The following CCDC178 variants were observed in gnomAD, a reference collection of about 807,000 sequenced individuals.
CCDC178 encodes coiled-coil domain containing 178.
In CCDC178, 126 loss-of-function variants were observed where a neutral mutation model predicts 117.4. The observed-to-expected ratio is 1.07, with a 90% CI of 0.93 to 1.24. The LOEUF is 1.24. Ranked by LOEUF, CCDC178 falls within the 50% of genes most tolerant of loss-of-function variation. The probability of loss-of-function intolerance (pLI) is 0.00; values close to 1 mark genes in which losing one functional copy is unlikely to be tolerated. For synonymous variants in CCDC178, 283 were observed against 313.4 expected, an observed-to-expected ratio of 0.90 and a Z score of 1.02; for missense variants, 1,030 against 986.9, an observed-to-expected ratio of 1.04 and a Z score of -0.59.
intron 20 of CCDC178, among the ~76,000 whole-genome samples, chr18:33,108,838 A>T (rs1217329045): frequency 6.6e-6 from 1 of 151,740 alleles, no homozygotes; most frequent in African/African-American, 2.4e-5. Context: ...ACTAGTAAGA[A>T]TTCAAGCTAT....
chr18:33,317,084 G>C (rs2062429772), intron 11 of CCDC178, among the ~76,000 whole-genome samples: 1 of 152,130 alleles, frequency 6.6e-6, no homozygotes, highest in Non-Finnish European at 1.5e-5. Flanking sequence ...GGCTGCCCAA[G>C]CCAGCAGTGG....
chr18:33,111,569 C>T (rs1169085689), intron 20 of CCDC178, among the ~76,000 whole-genome samples: 1 of 151,622 alleles, frequency 6.6e-6, no homozygotes, highest in African/African-American at 2.4e-5. Flanking sequence ...CATTCCCCTA[C>T]CCAACATTGC....
intron 12 of CCDC178, among the ~76,000 whole-genome samples, chr18:33,278,158 AT>A (rs2059973475): frequency 6.6e-6 from 1 of 151,562 alleles, no homozygotes; most frequent in Non-Finnish European, 1.5e-5. Flanking sequence ...CTGGGGTGAA[AT>A]GTCTTCTTTT....
chr18:33,260,842 C>T (rs1224342107), intron 14 of CCDC178, among the ~76,000 whole-genome samples: 2 of 151,804 alleles, frequency 1.3e-5, no homozygotes, highest in African/African-American at 4.8e-5. Context: ...ACTATAGTGG[C>T]ACGCTTGTCA....
At position 33,440,030 on chromosome 18, in the gene CCDC178, C is replaced by T. The variant is rs1184819964; in HGVS notation, c.-91G>A. ...CTTTCGAGCAAGCAAGTATAAAATT[C>T]TCAGCCTCTCCGCCAGGAAGTTGTT... On this transcript the variant is annotated 5_prime_UTR_variant, in exon 2 of 23. Coordinates refer to ENST00000383096, the MANE Select transcript of CCDC178 (RefSeq NM_001105528.4). 1.3e-5 allele frequency: 2 copies of T among 152,142 alleles called. No individual in the cohort carries two copies. The highest frequency in any genetic ancestry group is 2.9e-5 in the Non-Finnish European group (2 of 68,042). 9.4% of individuals were successfully genotyped at this position (152,142 alleles called of 1,614,324 possible). A position where few individuals can be genotyped will look rare whatever the true frequency, so the allele number is the denominator to read the frequency against.
At chr18:32,976,020 T>C (rs2055021274) in intron 21 of CCDC178, among the ~76,000 whole-genome samples, 1 of 152,116 alleles carries the variant, frequency 6.6e-6, no homozygotes, top group Non-Finnish European at 1.5e-5. Flanking sequence ...TATGTATTTG[T>C]GTTTGGTTCC....
intron 21 of CCDC178, among the ~76,000 whole-genome samples, chr18:33,049,033 T>C (rs1353025492): frequency 6.6e-6 from 1 of 152,048 alleles, no homozygotes; most frequent in African/African-American, 2.4e-5. Context: ...TCTAATCAAC[T>C]GATAAGCAAA....
chr18:33,431,946 T>C (rs1456449821), intron 2 of CCDC178, among the ~76,000 whole-genome samples: 1 of 152,144 alleles, frequency 6.6e-6, no homozygotes, highest in Non-Finnish European at 1.5e-5. Flanking sequence ...GAGGTGGTGA[T>C]GGAAGAGGTC....
chr18:33,339,292 G>T (rs144905802), intron 9 of CCDC178, among the ~76,000 whole-genome samples: 1 of 151,822 alleles, frequency 6.6e-6, no homozygotes, highest in Non-Finnish European at 1.5e-5. Flanking sequence ...AATCAATAAA[G>T]GAAGCAAAAG....
At chr18:33,073,504 CATCTATCTATCT>C (rs11468119) in intron 21 of CCDC178, among the ~76,000 whole-genome samples, 3,398 of 142,090 alleles carry the variant, frequency 0.024, 62 homozygotes, top group African/African-American at 0.047. Flanking sequence ...CTATAGTCAG[CATCTATCTATCT>C]ATCTATCTAT....
At chr18:33,344,310 CAAAAA>C (rs58987470) in intron 9 of CCDC178, among the ~76,000 whole-genome samples, 7 of 80,786 alleles carry the variant, frequency 8.7e-5, no homozygotes, top group African/African-American at 2.8e-4. Context: ...GACTCCGTCT[CAAAAA>C]AAAAAAAAAA....
intron 12 of CCDC178, among the ~76,000 whole-genome samples, chr18:33,292,549 T>C (rs1163622991): frequency 6.6e-6 from 1 of 151,978 alleles, no homozygotes; most frequent in East Asian, 2.0e-4. Context: ...CATTCTGTAT[T>C]TTCCACGAGG....
intron 21 of CCDC178, among the ~76,000 whole-genome samples, chr18:33,063,971 C>T (rs1448793237): frequency 6.6e-6 from 1 of 152,164 alleles, no homozygotes. Flanking sequence ...ATTGTGCCTA[C>T]CCAGATTCAA....
intron 12 of CCDC178, among the ~76,000 whole-genome samples, chr18:33,279,517 A>G (rs151094113): frequency 0.069 from 10,440 of 152,084 alleles, 552 homozygotes; most frequent in African/African-American, 0.14. Flanking sequence ...CGTGAAAATG[A>G]CCATACTTCC....
chr18:33,411,741 C>T (rs899192176), intron 3 of CCDC178, among the ~76,000 whole-genome samples: 2 of 152,094 alleles, frequency 1.3e-5, no homozygotes, highest in African/African-American at 4.8e-5. Context: ...GAGATATATA[C>T]AAGAGCTGAT....
Position 33,121,854 on chromosome 18 carries a change from G to T in CCDC178, c.2239-28944C>A, listed in dbSNP as rs1051239570. ...ATGACACACTGTGGGTAGGTCAGTA[G>T]TCTCTTGAGACTATAATGTCATATT... is the stretch of plus-strand genomic sequence containing the variant. On this transcript the variant is annotated intron_variant, in intron 20 of 22. Transcript: ENST00000383096. 5.3e-5 allele frequency among the ~76,000 whole-genome samples: 8 copies of T among 152,226 alleles called. No homozygotes were observed. In the East Asian group the frequency reaches 7.7e-4, roughly 15 times the overall value.
At chr18:33,396,737 G>A (rs1157670754) in intron 4 of CCDC178, among the ~76,000 whole-genome samples, 1 of 152,040 alleles carries the variant, frequency 6.6e-6, no homozygotes, top group Non-Finnish European at 1.5e-5. Flanking sequence ...AAAAGAAAAG[G>A]AAATTAGCAC....
At chr18:33,197,785 T>C (rs1322115622) in intron 20 of CCDC178, among the ~76,000 whole-genome samples, 1 of 152,206 alleles carries the variant, frequency 6.6e-6, no homozygotes, top group East Asian at 1.9e-4. Context: ...AAGCTAAAAC[T>C]ATTTCTACTA....
At chr18:33,009,451 T>G (rs1188231494) in intron 21 of CCDC178, among the ~76,000 whole-genome samples, 1 of 152,152 alleles carries the variant, frequency 6.6e-6, no homozygotes, top group Non-Finnish European at 1.5e-5. Context: ...ACCTTTATTC[T>G]TATAGATATG....
Sources: allele counts gnomAD v4.1 joint callset (sites outside exome capture counted in the v4.1 genomes callset), GRCh38; gene constraint gnomAD v4.1.1; transcripts MANE v1.5; gene names NCBI Gene and HGNC (gene_info 2026-07-23, HGNC 2026-07-21).